Variants in BBS9 observed in about 807,000 individuals in gnomAD.
BBS9 encodes protein PTHB1.
A neutral mutation model predicts 117.7 loss-of-function variants in BBS9; 89 were observed. That is an observed-to-expected ratio of 0.76 (90% confidence interval 0.64 to 0.90). The LOEUF (loss-of-function observed/expected upper bound fraction) is 0.90, where lower values mean the gene tolerates loss of function less well. BBS9 is among the 40% of genes least tolerant of loss of function. BBS9 has a pLI of 0.00. For synonymous variants in BBS9, 379 were observed against 370.9 expected (o/e 1.02, Z -0.25); for missense variants, 982 against 1,042.2 (o/e 0.94, Z 0.80).
chr7:33,543,333 G>A (rs1852720388), intron 21 of BBS9, among the ~76,000 whole-genome samples: 1 of 150,460 alleles, frequency 6.6e-6, no homozygotes, highest in South Asian at 2.1e-4. Flanking sequence ...AATGATTTGA[G>A]TTTGTCGTAG....
chr7:33,177,256 T>G (rs917007862), intron 4 of BBS9, among the ~76,000 whole-genome samples: 12 of 152,152 alleles, frequency 7.9e-5, no homozygotes, highest in African/African-American at 2.9e-4. Flanking sequence ...GTCCCCAGGG[T>G]AATATTTTGT....
chr7:33,458,509 C>A (rs566703337), intron 19 of BBS9, among the ~76,000 whole-genome samples: 7 of 152,056 alleles, frequency 4.6e-5, no homozygotes, highest in African/African-American at 9.7e-5. Context: ...TTTTTCTTTG[C>A]GGAAAATCTT....
chr7:33,431,894 CT>C (rs1315193693), intron 19 of BBS9, among the ~76,000 whole-genome samples: 1 of 152,006 alleles, frequency 6.6e-6, no homozygotes, highest in East Asian at 1.9e-4. Context: ...ATAATATATG[CT>C]TTTGAGGGAA....
At chr7:33,586,593 T>C (rs1048087996) in intron 21 of BBS9, among the ~76,000 whole-genome samples, 1 of 152,074 alleles carries the variant, frequency 6.6e-6, no homozygotes, top group East Asian at 1.9e-4. Flanking sequence ...CACATGTACT[T>C]GTATGTTCAT....
chr7:33,442,615 T>G (rs1331434878), intron 19 of BBS9, among the ~76,000 whole-genome samples: 3 of 152,220 alleles, frequency 2.0e-5, no homozygotes, highest in Non-Finnish European at 4.4e-5. Context: ...ATCTGACAAA[T>G]TATTACTTTC....
chr7:33,485,539 G>C (rs946667030), intron 19 of BBS9, among the ~76,000 whole-genome samples: 4 of 151,994 alleles, frequency 2.6e-5, no homozygotes, highest in African/African-American at 9.7e-5. Flanking sequence ...TCGATCTCCT[G>C]ACCTCGTGAT....
chr7:33,505,542 A>G lies in BBS9; in HGVS notation c.2195A>G (p.His732Arg), dbSNP rs1461173831. Residue 732 changes from histidine (H) to arginine (R), a missense_variant, in exon 20 of 23, where the codon CAT (histidine) becomes CGT (arginine). His to Arg is a conservative substitution (Grantham distance 29, BLOSUM62 0). Coordinates refer to ENST00000242067, the MANE Select transcript of BBS9 (RefSeq NM_198428.3). Reference sequence around the variant, plus strand: ...TTCACCAGGCTGAAGAGTGCCACCCATTTGGTGATTCTGCTGATCGCGCTG... The same window carrying G: ...TTCACCAGGCTGAAGAGTGCCACCCGTTTGGTGATTCTGCTGATCGCGCTG... ...QSFTRLKSATHLVILLIALWQ... is the reference protein window; with the variant it reads ...QSFTRLKSATRLVILLIALWQ... 3 of 1,614,154 alleles carry G rather than the reference A, an allele frequency of 1.9e-6. No individual in the cohort carries two copies. The highest frequency in any genetic ancestry group is 1.1e-5 in the South Asian group (1 of 91,084).
intron 7 of BBS9, among the ~76,000 whole-genome samples, chr7:33,272,426 G>A (rs1166471076): frequency 6.6e-6 from 1 of 152,022 alleles, no homozygotes; most frequent in East Asian, 1.9e-4. Context: ...TTGCTCTTTT[G>A]CATTTTCCTG....
intron 21 of BBS9, among the ~76,000 whole-genome samples, chr7:33,550,889 T>G (rs1001575748): frequency 1.3e-5 from 2 of 152,204 alleles, no homozygotes; most frequent in Non-Finnish European, 2.9e-5. Flanking sequence ...TTATTTAAAA[T>G]TTAGCCTTTT....
intron 21 of BBS9, among the ~76,000 whole-genome samples, chr7:33,600,474 T>C (rs1278143245): frequency 6.6e-6 from 1 of 152,148 alleles, no homozygotes; most frequent in Non-Finnish European, 1.5e-5. Flanking sequence ...TGTGTAAGCC[T>C]TAGCAAATAC....
intron 5 of BBS9, among the ~76,000 whole-genome samples, chr7:33,210,257 G>C (rs977514366): frequency 6.6e-5 from 10 of 152,164 alleles, no homozygotes; most frequent in African/African-American, 1.7e-4. Flanking sequence ...TAGAGGAGAT[G>C]CTTGATATTA....
At chr7:33,508,295 G>A (rs954394075) in intron 20 of BBS9, among the ~76,000 whole-genome samples, 1 of 152,194 alleles carries the variant, frequency 6.6e-6, no homozygotes, top group Non-Finnish European at 1.5e-5. Flanking sequence ...TAAGTGATTA[G>A]GTAATACAGG....
intron 13 of BBS9, among the ~76,000 whole-genome samples, chr7:33,350,074 T>C (rs1183187747): frequency 6.6e-6 from 1 of 152,234 alleles, no homozygotes; most frequent in African/African-American, 2.4e-5. Flanking sequence ...TTTCTTTGTA[T>C]AGAATCTCTT....
chr7:33,327,650 T>C (rs866134351), intron 9 of BBS9, among the ~76,000 whole-genome samples: 1 of 152,160 alleles, frequency 6.6e-6, no homozygotes, highest in Admixed American at 6.6e-5. Context: ...GCCATTATCA[T>C]ACCACTGCAC....
At chr7:33,151,157 T>G (rs1283920202) in intron 2 of BBS9, among the ~76,000 whole-genome samples, 1 of 151,836 alleles carries the variant, frequency 6.6e-6, no homozygotes, top group East Asian at 1.9e-4. Flanking sequence ...GAGGCTGAGG[T>G]GGGAGGATCA....
At chr7:33,596,188 T>TA (rs10547679) in intron 21 of BBS9, among the ~76,000 whole-genome samples, 7,979 of 121,880 alleles carry the variant, frequency 0.065, 358 homozygotes, top group African/African-American at 0.14. Context: ...TAAAGTAAAA[T>TA]AAAAAAAAAA....
chr7:33,179,249 C>G (rs1351897669), intron 5 of BBS9, among the ~76,000 whole-genome samples: 1 of 152,090 alleles, frequency 6.6e-6, no homozygotes, highest in Non-Finnish European at 1.5e-5. Context: ...TTTTTGATAG[C>G]ATAACAGTGG....
intron 15 of BBS9, among the ~76,000 whole-genome samples, chr7:33,353,566 C>T (rs80251257): frequency 0.013 from 1,916 of 152,160 alleles, 38 homozygotes; most frequent in African/African-American, 0.043. Flanking sequence ...TAACAGAGTA[C>T]ATAGCAGGCA....
At chr7:33,252,232 C>T (rs963649863) in intron 5 of BBS9, among the ~76,000 whole-genome samples, 2 of 152,142 alleles carry the variant, frequency 1.3e-5, no homozygotes, top group African/African-American at 2.4e-5. Flanking sequence ...TGAAGGACCA[C>T]CCTCGTGATC....
Sources: gnomAD v4.1 joint callset for allele counts (sites outside exome capture counted in the v4.1 genomes callset) on GRCh38, gnomAD v4.1.1 for gene constraint, MANE v1.5 for transcripts, NCBI Gene and HGNC (gene_info 2026-07-23, HGNC 2026-07-21) for gene names.